Variants in POLR1A observed in about 807,000 individuals in gnomAD.
The protein encoded by POLR1A is DNA-directed RNA polymerase I subunit RPA1.
In POLR1A, 84 loss-of-function variants were observed where a neutral mutation model predicts 205.3. The ratio of observed to expected loss-of-function variants is 0.41; its 90% CI spans 0.34 to 0.49. The LOEUF is 0.49. Ranked by LOEUF, POLR1A falls within the 20% of genes least tolerant of loss-of-function variation. POLR1A has a pLI of 0.22. For missense variants in POLR1A, 1,645 were observed against 2,204.5 expected, an observed-to-expected ratio of 0.75 and a Z score of 5.08; for synonymous variants, 799 against 863.7, an observed-to-expected ratio of 0.93 and a Z score of 1.31.
In POLR1A at chr2:86,039,536, G is replaced by A. The variant is rs140871249; in HGVS notation, c.3741-74C>T. Reference sequence around the variant, plus strand: ...CTGTTTGGGTGCAGCTTCTCCTAATGATGTCAGAGTTCTTTTGGAATCTGA... The same window carrying A: ...CTGTTTGGGTGCAGCTTCTCCTAATAATGTCAGAGTTCTTTTGGAATCTGA... On this transcript the variant is annotated intron_variant, in intron 25 of 33. Coordinates refer to ENST00000263857, the MANE Select transcript of POLR1A (RefSeq NM_015425.6). The A allele has an allele frequency of 3.2e-6, 5 of 1,555,718 alleles. 1 individual carries two copies. In the East Asian group the frequency reaches 9.0e-5, roughly 28 times the overall value.
Position 86,070,266 on chromosome 2 carries a change from G to A in POLR1A, c.1618C>T (p.Arg540Trp). The change falls in exon 13 of 34, where the codon CGG becomes TGG. Residue 540 changes from arginine (R) to tryptophan (W), a missense_variant. By Grantham distance (101) the Arg-to-Trp change is moderately radical. This residue lies in a region of POLR1A where 131 missense variants were observed against 214.5 expected (regional missense o/e 0.61). Transcript: ENST00000263857. The surrounding 1 kb of genome is among the most constrained non-coding windows in gnomAD (Gnocchi z 4.4). The stretch of plus-strand genomic sequence containing the variant: ...AGAATGTCCCCATTCTTCACATGCC[G>A]GCACACCTGGGAACAGAGTGGACAG... ...PKPQGTKIVC[R>W]HVKNGDILLL... 6.2e-7 allele frequency: 1 copy of A among 1,607,184 alleles called. No homozygotes were observed. Among genetic ancestry groups the A allele is most frequent in the Non-Finnish European group, 8.5e-7 (1 of 1,175,562 alleles).
Position 86,105,712 on chromosome 2 carries a change from G to A in POLR1A, c.65C>T (p.Ala22Val). The change falls in exon 1 of 34, where the codon GCT becomes GTT. Residue 22 changes from alanine to valine, a missense_variant. Ala to Val is a moderately conservative substitution (Grantham distance 64). Transcript: ENST00000263857. Reference protein sequence around the residue: ...LQGISFGMYSAEELKKLSVKS... With the variant: ...LQGISFGMYSVEELKKLSVKS... Reference sequence around the variant, plus strand: ...ACCAACTCCTTACTTGAGCTCTTCAGCCGAATACATCCCGAAGGAAATGCC... The same window carrying A: ...ACCAACTCCTTACTTGAGCTCTTCAACCGAATACATCCCGAAGGAAATGCC... The A allele has an allele frequency of 6.2e-7, 1 of 1,613,132 alleles. No homozygotes were observed. Among genetic ancestry groups the A allele is most frequent in the Non-Finnish European group, 8.5e-7 (1 of 1,179,064 alleles).
rs1439608756 is a variant in POLR1A, at chr2:86,028,918, T to G, written c.4780-207A>C. 1.4e-5 allele frequency: 8 copies of G among 555,204 alleles called. No homozygotes were observed. The highest frequency in any genetic ancestry group is 2.6e-5 in the Non-Finnish European group (8 of 307,644). The allele number at this position is 555,204 out of a possible 1,614,324, so 34.4% of individuals were successfully genotyped here. On this transcript the variant is annotated intron_variant, in intron 31 of 33. Coordinates refer to ENST00000263857, the MANE Select transcript of POLR1A (RefSeq NM_015425.6). The surrounding 1 kb of genome is among the most constrained non-coding windows in gnomAD (Gnocchi z 4.5). ...GGCTCGCTGGCCGGGGCCCAAGGTCTGTATCGTCATTACAAGAATCCAGCG... is the reference window on the plus strand; with the variant it reads ...GGCTCGCTGGCCGGGGCCCAAGGTCGGTATCGTCATTACAAGAATCCAGCG...
In POLR1A at chr2:86,053,557, A is replaced by T. The variant is rs114818109; in HGVS notation, c.2209-557T>A. ...AAGCATTAGAAGCTAATGAACAGAA[A>T]AGCATTTCTAGCTGCGTAATGTAGC... On this transcript the variant is annotated intron_variant, in intron 15 of 33. Coordinates refer to ENST00000263857, the MANE Select transcript of POLR1A (RefSeq NM_015425.6). Among the ~76,000 whole-genome samples the T allele has an allele frequency of 7.2e-3, 1,090 of 152,332 alleles. 15 individuals carry two copies. Among genetic ancestry groups the T allele is most frequent in the African/African-American group, 0.025 (1,033 of 41,572 alleles).
intron 6 of POLR1A, among the ~76,000 whole-genome samples, chr2:86,084,817 C>T (rs1001995752): frequency 6.6e-6 from 1 of 151,826 alleles, no homozygotes; most frequent in African/African-American, 2.4e-5. Context: ...AGCTTCATTC[C>T]ACCTCCAATT....
At chr2:86,031,737 GCTACC>G in intron 29 of POLR1A, 102 bp from the exon 30 acceptor site, 1 of 1,483,786 alleles carries the variant, frequency 6.7e-7, no homozygotes, top group Non-Finnish European at 9.1e-7. Flanking sequence ...GCTGGCCTGG[GCTACC>G]TAGGCCCCAC....
Position 86,041,893 on chromosome 2 carries a change from C to G in POLR1A, c.3568G>C (p.Asp1190His). 1 of 1,612,456 alleles carries G rather than the reference C, an allele frequency of 6.2e-7. No homozygotes were observed. Among genetic ancestry groups the G allele is most frequent in the Non-Finnish European group, 8.5e-7 (1 of 1,178,504 alleles). ...GCAACAAATCACTGTCAATACCTGT[C>G]GAGAGAAAGCTCTGATTTCTCATAA... is the stretch of plus-strand genomic sequence containing the variant. Reference protein sequence around the residue: ...KSYEKSELSLDRLRTLLQLKW... With the variant: ...KSYEKSELSLHRLRTLLQLKW... Residue 1190 changes from aspartate to histidine, a missense_variant, in exon 24 of 34, where the codon GAC (aspartate) becomes CAC (histidine). By Grantham distance (81) the Asp-to-His change is moderately conservative. Coordinates refer to ENST00000263857, the MANE Select transcript of POLR1A (RefSeq NM_015425.6).
chr2:86,084,896 G>T (rs1020661906), intron 6 of POLR1A, among the ~76,000 whole-genome samples: 2 of 152,050 alleles, frequency 1.3e-5, no homozygotes. Flanking sequence ...TCCCTAACTT[G>T]GAGAACAATT....
chr2:86,097,111 A>G (rs1673717558), intron 3 of POLR1A, among the ~76,000 whole-genome samples: 1 of 151,680 alleles, frequency 6.6e-6, no homozygotes, highest in Non-Finnish European at 1.5e-5. Context: ...CAAATATATG[A>G]AAAAATGTTC....
At chr2:86,030,688 C>T (rs1672369975) in intron 30 of POLR1A, among the ~76,000 whole-genome samples, 1 of 152,194 alleles carries the variant, frequency 6.6e-6, no homozygotes, top group African/African-American at 2.4e-5. Flanking sequence ...TTAAAGACCA[C>T]AAGGCAGGGT....
At chr2:86,029,315 G>A (rs1466744693) in intron 31 of POLR1A, among the ~76,000 whole-genome samples, 2 of 152,020 alleles carry the variant, frequency 1.3e-5, no homozygotes, top group Admixed American at 6.5e-5. Context: ...GTGGCAGGGG[G>A]AGCTTTGCCA....
chr2:86,027,061 C>A lies in POLR1A; in HGVS notation c.*362G>T. On this transcript the variant is annotated 3_prime_UTR_variant, in exon 34 of 34. Coordinates refer to ENST00000263857, the MANE Select transcript of POLR1A (RefSeq NM_015425.6). ...TGGGGTCCCCAGCAGCAAAGCATGG[C>A]TTCCCCTTGGTCTTCTCAGTGAATC... 4.3e-6 allele frequency: 1 copy of A among 233,060 alleles called. No individual in the cohort carries two copies. The highest frequency in any genetic ancestry group is 8.6e-6 in the Non-Finnish European group (1 of 116,368). The allele number at this position is 233,060 out of a possible 1,614,324, so 14.4% of individuals were successfully genotyped here.
At position 86,039,311 on chromosome 2, in the gene POLR1A, G is replaced by GT; in HGVS notation, c.3876+15_3876+16insA. 2 of 1,613,430 alleles carry GT rather than the reference G, an allele frequency of 1.2e-6. No homozygotes were observed. Among genetic ancestry groups the GT allele is most frequent in the Non-Finnish European group, 1.7e-6 (2 of 1,179,930 alleles). ...TGCCTTCACCCCGTCTGCAACCTGG[G>GT]AAGGAGAGACGTTACCTCCCCCAAG... On this transcript the variant is annotated intron_variant, in intron 26 of 33. Transcript: ENST00000263857.
intron 13 of POLR1A, among the ~76,000 whole-genome samples, chr2:86,068,386 C>CGGGGGGGGGGGG (rs543719645): frequency 6.5e-4 from 8 of 12,236 alleles, no homozygotes; most frequent in Admixed American, 2.4e-3. Context: ...AGCACATGGG[C>CGGGGGGGGGGGG]GGGGGGGGGG....
chr2:86,088,504 C>T, intron 6 of POLR1A, 62 bp downstream of exon 6: 1 of 1,043,068 alleles, frequency 9.6e-7, no homozygotes, highest in South Asian at 1.3e-5. Context: ...CAGGTATTCC[C>T]AGGGTTTAGG....
In POLR1A at chr2:86,031,430, T is replaced by C. The variant is rs538973452; in HGVS notation, c.4478A>G (p.Gln1493Arg). Residue 1493 changes from glutamine (Q) to arginine (R), a missense_variant, in exon 30 of 34, where the codon CAG becomes CGG. Around this residue, in one of 16 missense-constraint regions of POLR1A, gnomAD observed 394 missense variants for 468.5 expected, o/e 0.84. Coordinates refer to ENST00000263857, the MANE Select transcript of POLR1A (RefSeq NM_015425.6). Reference protein sequence around the residue: ...PRKPTHSQEPQGPEAMERRVQ... With the variant: ...PRKPTHSQEPRGPEAMERRVQ... Reference sequence around the variant, plus strand: ...CCGGCGCTCCATGGCCTCGGGCCCCTGGGGCTCCTGGCTGTGGGTGGGTTT... The same window carrying C: ...CCGGCGCTCCATGGCCTCGGGCCCCCGGGGCTCCTGGCTGTGGGTGGGTTT... The C allele has an allele frequency of 1.2e-6, 2 of 1,613,896 alleles. No homozygotes were observed. Among genetic ancestry groups the C allele is most frequent in the African/African-American group, 2.7e-5 (2 of 75,022 alleles).
At chr2:86,089,747 T>C (rs1673567851) in intron 4 of POLR1A, 75 bp downstream of exon 4, 2 of 935,766 alleles carry the variant, frequency 2.1e-6, no homozygotes, top group Non-Finnish European at 1.7e-6. Context: ...CAGAAGTATA[T>C]GCAAAGGACA....
chr2:86,063,204 G>A (rs953677225), intron 14 of POLR1A, among the ~76,000 whole-genome samples: 12 of 151,654 alleles, frequency 7.9e-5, no homozygotes, highest in Middle Eastern at 3.4e-3. Context: ...GCATGGTGGC[G>A]CATGCTTGTA....
At chr2:86,079,163 A>T (rs1161887869) in intron 9 of POLR1A, among the ~76,000 whole-genome samples, 1 of 152,232 alleles carries the variant, frequency 6.6e-6, no homozygotes, top group Non-Finnish European at 1.5e-5. Flanking sequence ...TGGGCTTGTC[A>T]TCAAACCTGA....
Sources: allele counts gnomAD v4.1 joint callset (sites outside exome capture counted in the v4.1 genomes callset), GRCh38; gene constraint gnomAD v4.1.1; regional missense constraint gnomAD v4.1.1; non-coding constraint Gnocchi (gnomAD v3.1); transcripts MANE v1.5; gene names NCBI Gene and HGNC (gene_info 2026-07-23, HGNC 2026-07-21).